The following TMPRSS4 variants were observed in gnomAD, a reference collection of about 807,000 sequenced individuals.
TMPRSS4 encodes transmembrane serine protease 4.
A neutral mutation model predicts 56.4 loss-of-function variants in TMPRSS4; 45 were observed. The ratio of observed to expected loss-of-function variants is 0.80; its 90% CI spans 0.63 to 1.02. The LOEUF (loss-of-function observed/expected upper bound fraction) is 1.02. TMPRSS4 is among the 50% of genes least tolerant of loss of function. The pLI, the probability that TMPRSS4 is intolerant of heterozygous loss-of-function variation, is 0.00. For missense variants in TMPRSS4, 546 were observed against 556.7 expected, an observed-to-expected ratio of 0.98 and a Z score of 0.19; for synonymous variants, 205 against 211.0, an observed-to-expected ratio of 0.97 and a Z score of 0.25.
chr11:118,107,875 G>T lies in TMPRSS4; in HGVS notation c.542G>T (p.Gly181Val). Residue 181 changes from glycine (G) to valine (V), a missense_variant and splice_region_variant, in exon 6 of 13, where the codon GGG becomes GTG. Transcript: ENST00000437212. ...SQELRMRNSS[G>V]PCLSGSLVSL... ...GAGCTTCGCATGCGGAACTCAAGTG[G>T]GTAAGTGAGGGGACACCTTCTGGCC... 2 of 1,613,354 alleles carry T rather than the reference G, an allele frequency of 1.2e-6. No individual in the cohort carries two copies. The highest frequency in any genetic ancestry group is 1.7e-6 in the Non-Finnish European group (2 of 1,179,684).
At chr11:118,093,824 C>CCA (rs998628639) in intron 1 of TMPRSS4, among the ~76,000 whole-genome samples, 5 of 151,386 alleles carry the variant, frequency 3.3e-5, no homozygotes, top group Admixed American at 6.6e-5. Flanking sequence ...AACTGCCCCC[C>CCA]CCAATGGTAA....
At chr11:118,094,158 C>G (rs1941629) in intron 1 of TMPRSS4, among the ~76,000 whole-genome samples, 139,414 of 152,292 alleles carry the variant, frequency 0.92, 63,898 homozygotes, top group Non-Finnish European at 0.93. Flanking sequence ...TCCTGGAGCA[C>G]AATTGCTGGG....
chr11:118,099,026 T>C lies in TMPRSS4; in HGVS notation c.85T>C (p.Phe29Leu). ...CAAACCCCGTATCCCCATGGAGACC[T>C]TCAGAAAGGTGGGGATCCCCATCAT... The part of the protein sequence containing the change: ...LRKPRIPMET[F>L]RKVGIPIIIA... Residue 29 changes from phenylalanine to leucine, a missense_variant, in exon 3 of 13, where the codon TTC (phenylalanine) becomes CTC (leucine). Phe to Leu is a conservative substitution (Grantham distance 22, BLOSUM62 0). Transcript: ENST00000437212. 6.2e-7 allele frequency: 1 copy of C among 1,613,884 alleles called. No individual in the cohort carries two copies. Among genetic ancestry groups the C allele is most frequent in the Non-Finnish European group, 8.5e-7 (1 of 1,179,902 alleles).
intron 1 of TMPRSS4, among the ~76,000 whole-genome samples, chr11:118,077,928 G>T (rs1412592207): frequency 7.0e-6 from 1 of 143,384 alleles, no homozygotes; most frequent in Non-Finnish European, 1.5e-5. Flanking sequence ...CAGGAGAATC[G>T]CTTGAACTTG....
chr11:118,079,602 T>C (rs1231590916), intron 1 of TMPRSS4, among the ~76,000 whole-genome samples: 3 of 152,204 alleles, frequency 2.0e-5, no homozygotes, highest in African/African-American at 7.2e-5. Context: ...AAACGCACCC[T>C]GAGCCACCAG....
intron 4 of TMPRSS4, 125 bp downstream of exon 4, chr11:118,103,378 T>TTGTTTGTTTG: frequency 9.5e-7 from 1 of 1,053,816 alleles, no homozygotes; most frequent in Non-Finnish European, 1.3e-6. Context: ...ATAAGGTTCT[T>TTGTTTGTTTG]TGTTTGTTTG....
At chr11:118,079,779 G>C (rs1573581) in intron 1 of TMPRSS4, among the ~76,000 whole-genome samples, 1 of 152,196 alleles carries the variant, frequency 6.6e-6, no homozygotes, top group Non-Finnish European at 1.5e-5. Flanking sequence ...GCCAGCCTGC[G>C]GGCAGCGGGG....
intron 1 of TMPRSS4, among the ~76,000 whole-genome samples, chr11:118,093,923 C>G (rs1178185949): frequency 6.6e-6 from 1 of 151,946 alleles, no homozygotes; most frequent in Non-Finnish European, 1.5e-5. Flanking sequence ...TATTTTCTTC[C>G]CTTCATCATT....
At chr11:118,111,306 G>A (rs1427112619) in intron 7 of TMPRSS4, among the ~76,000 whole-genome samples, 2 of 152,160 alleles carry the variant, frequency 1.3e-5, no homozygotes, top group African/African-American at 4.8e-5. Flanking sequence ...TTGGAGAAGG[G>A]GGAGTTTTGG....
At chr11:118,088,862 G>A (rs1945767291) in intron 1 of TMPRSS4, among the ~76,000 whole-genome samples, 1 of 152,176 alleles carries the variant, frequency 6.6e-6, no homozygotes, top group African/African-American at 2.4e-5. Context: ...TTAACTCCAG[G>A]TTAAGACAAT....
At chr11:118,116,086 G>A (rs558982796) in intron 11 of TMPRSS4, among the ~76,000 whole-genome samples, 2 of 152,278 alleles carry the variant, frequency 1.3e-5, no homozygotes, top group East Asian at 3.9e-4. Context: ...CATACTTCCA[G>A]AGGATCTTCT....
intron 1 of TMPRSS4, among the ~76,000 whole-genome samples, chr11:118,082,352 G>A (rs1034289194): frequency 4.6e-5 from 7 of 152,128 alleles, no homozygotes; most frequent in African/African-American, 1.4e-4. Flanking sequence ...CCTGAGGTCA[G>A]AAGTTCAAGA....
intron 5 of TMPRSS4, chr11:118,107,045 A>G (rs1473118461): frequency 6.6e-6 from 1 of 152,182 alleles, no homozygotes; most frequent in East Asian, 1.9e-4. Context: ...TACTAACATT[A>G]CTAGCATAGT....
intron 1 of TMPRSS4, among the ~76,000 whole-genome samples, chr11:118,091,168 C>G (rs555720980): frequency 1.3e-5 from 2 of 152,266 alleles, no homozygotes; most frequent in East Asian, 3.9e-4. Flanking sequence ...CCCAAGCACA[C>G]CCAATCCATC....
chr11:118,085,227 T>TTC (rs200748993), intron 1 of TMPRSS4, among the ~76,000 whole-genome samples: 8 of 21,890 alleles, frequency 3.7e-4, no homozygotes, highest in Admixed American at 1.1e-3. Context: ...CTTCTTCTTC[T>TTC]TTTTTTTTTT....
At position 118,104,620 on chromosome 11, in the gene TMPRSS4, A is replaced by G. The variant is rs1946893422; in HGVS notation, c.311-71A>G. The G allele has an allele frequency of 1.1e-5, 17 of 1,609,560 alleles. No homozygotes were observed. The South Asian group carries it at 1.8e-4, about 17-fold the overall frequency. ...GGTTGGGGGAGCTTGGGCTGGTCTC[A>G]TGATGAGTTCTGAGGGGGATGGGCC... On this transcript the variant is annotated intron_variant, in intron 4 of 12. Coordinates refer to ENST00000437212, the MANE Select transcript of TMPRSS4 (RefSeq NM_019894.4).
At chr11:118,100,323 T>A (rs1210722772) in intron 3 of TMPRSS4, among the ~76,000 whole-genome samples, 1 of 152,242 alleles carries the variant, frequency 6.6e-6, no homozygotes, top group Non-Finnish European at 1.5e-5. Flanking sequence ...GGACTGCCTG[T>A]GCAGCCAGGG....
intron 7 of TMPRSS4, among the ~76,000 whole-genome samples, chr11:118,110,902 G>C (rs953977513): frequency 5.9e-5 from 9 of 152,194 alleles, no homozygotes; most frequent in Non-Finnish European, 8.8e-5. Flanking sequence ...TTACTTTTTA[G>C]AGAACTACAA....
At position 118,121,868 on chromosome 11, in the gene TMPRSS4, T is replaced by C. The variant is rs1157178988; in HGVS notation, c.*3955T>C. ...TATGGAGTAACCACAGCATGCAGCA[T>C]GTAAATTAAAGGGGATAGCTGGAGT... On this transcript the variant is annotated 3_prime_UTR_variant, in exon 13 of 13. Coordinates refer to ENST00000437212, the MANE Select transcript of TMPRSS4 (RefSeq NM_019894.4). 1 of 152,178 alleles carries C rather than the reference T, an allele frequency of 6.6e-6. No individual in the cohort carries two copies. The highest frequency in any genetic ancestry group is 1.9e-4 in the East Asian group (1 of 5,204). The allele number at this position is 152,178 out of a possible 1,614,324, so 9.4% of individuals were successfully genotyped here.
Sources: allele counts gnomAD v4.1 joint callset (sites outside exome capture counted in the v4.1 genomes callset), GRCh38; gene constraint gnomAD v4.1.1; transcripts MANE v1.5; gene names NCBI Gene and HGNC (gene_info 2026-07-23, HGNC 2026-07-21).